LRRTM4: variants seen among roughly 807,000 people sequenced by gnomAD.
LRRTM4 encodes the protein leucine rich repeat transmembrane neuronal 4, also known as leucine-rich repeat transmembrane neuronal protein 4.
A neutral mutation model predicts 47.6 loss-of-function variants in LRRTM4; 25 were observed. The observed-to-expected ratio is 0.53, with a 90% CI of 0.38 to 0.73. LRRTM4 has a LOEUF of 0.73. LRRTM4 is among the 30% of genes least tolerant of loss of function. The pLI is 0.00. For synonymous variants in LRRTM4, 311 were observed against 269.5 expected (o/e 1.15, Z -1.51); for missense variants, 638 against 713.4 (o/e 0.89, Z 1.20).
intron 3 of LRRTM4, among the ~76,000 whole-genome samples, chr2:77,084,288 G>A (rs1397611832): frequency 6.6e-6 from 1 of 152,142 alleles, no homozygotes; most frequent in Non-Finnish European, 1.5e-5. Flanking sequence ...TGATGGCTAG[G>A]CTAGTTGCAA....
intron 3 of LRRTM4, among the ~76,000 whole-genome samples, chr2:76,789,223 T>A (rs12988164): frequency 3.3e-5 from 5 of 151,992 alleles, no homozygotes; most frequent in African/African-American, 4.8e-5. Context: ...CCAAGGCACC[T>A]TATGTGCTAG....
rs190200806 is a variant in LRRTM4 at position 77,004,727 on chromosome 2, G to C, written c.1552-255811C>G. Among the ~76,000 whole-genome samples the C allele has an allele frequency of 1.8e-3, 281 of 152,290 alleles. 1 individual carries two copies. Among genetic ancestry groups the C allele is most frequent in the Middle Eastern group, 0.01 (3 of 294 alleles). On this transcript the variant is annotated intron_variant, in intron 3 of 3. Transcript: ENST00000409884. ...TTGTCATGCACCTGGAAAAGCCACA[G>C]ACACTCACTGCCAGCACATGAAAGC...
intron 3 of LRRTM4, among the ~76,000 whole-genome samples, chr2:77,087,667 T>C (rs1025756329): frequency 1.3e-5 from 2 of 152,124 alleles, no homozygotes; most frequent in African/African-American, 4.8e-5. Context: ...CCCAACAGCA[T>C]AGGATAAAAA....
At chr2:76,795,961 C>G (rs1371279972) in intron 3 of LRRTM4, among the ~76,000 whole-genome samples, 1 of 150,294 alleles carries the variant, frequency 6.7e-6, no homozygotes, top group East Asian at 2.0e-4. Flanking sequence ...GGTGCGCGCA[C>G]CATGTGCGAG....
chr2:77,246,186 C>T lies in LRRTM4; in HGVS notation c.1551+272132G>A, dbSNP rs547165667. On this transcript the variant is annotated intron_variant, in intron 3 of 3. Transcript: ENST00000409884. ...TTCTCTAGGTTCAGTGGCTGATCAA[C>T]AGTTTGTTTTCTACAATTTAATTGC... 6.8e-4 allele frequency among the ~76,000 whole-genome samples: 103 copies of T among 152,218 alleles called. 1 individual carries two copies. Among genetic ancestry groups the T allele is most frequent in the African/African-American group, 2.5e-3 (103 of 41,554 alleles).
intron 3 of LRRTM4, among the ~76,000 whole-genome samples, chr2:77,160,107 T>C (rs1209645410): frequency 6.6e-6 from 1 of 152,202 alleles, no homozygotes; most frequent in African/African-American, 2.4e-5. Context: ...AGCCCTCACC[T>C]TTTTTGCCAT....
chr2:77,320,958 T>C lies in LRRTM4; in HGVS notation c.1551+197360A>G, dbSNP rs60811516. On this transcript the variant is annotated intron_variant, in intron 3 of 3. Coordinates refer to ENST00000409884, the MANE Select transcript of LRRTM4 (RefSeq NM_001134745.3). ...TTATTTGACATACCTGATAGGGATA[T>C]TGAAAAAATTGTACTGAGATTTGCA... 1.0e-3 allele frequency among the ~76,000 whole-genome samples: 152 copies of C among 152,208 alleles called. 1 individual carries two copies. Among genetic ancestry groups the C allele is most frequent in the African/African-American group, 3.2e-3 (133 of 41,558 alleles).
At chr2:76,786,699 T>C (rs1216244278) in intron 3 of LRRTM4, among the ~76,000 whole-genome samples, 1 of 152,046 alleles carries the variant, frequency 6.6e-6, no homozygotes, top group Non-Finnish European at 1.5e-5. Flanking sequence ...ATTCCTGCTT[T>C]CTAAGTGGTT....
intron 3 of LRRTM4, among the ~76,000 whole-genome samples, chr2:77,061,460 T>C (rs886499169): frequency 6.6e-6 from 1 of 152,106 alleles, no homozygotes; most frequent in East Asian, 1.9e-4. Flanking sequence ...CTCCATTCAG[T>C]GTGATACAGA....
intron 3 of LRRTM4, among the ~76,000 whole-genome samples, chr2:76,827,285 C>G (rs1055693250): frequency 1.3e-5 from 2 of 151,730 alleles, no homozygotes; most frequent in African/African-American, 2.4e-5. Context: ...CTCTCAGGAC[C>G]TAATTATTTC....
chr2:77,479,157 G>C (rs924627752), intron 3 of LRRTM4, among the ~76,000 whole-genome samples: 1 of 152,042 alleles, frequency 6.6e-6, no homozygotes, highest in Non-Finnish European at 1.5e-5. Context: ...CGGCCCCCCA[G>C]AGTGCTGGGA....
intron 3 of LRRTM4, among the ~76,000 whole-genome samples, chr2:77,097,655 A>T (rs577669763): frequency 6.6e-6 from 1 of 152,174 alleles, no homozygotes; most frequent in South Asian, 2.1e-4. Flanking sequence ...TAATAAATGT[A>T]ACATACAAAT....
chr2:77,392,196 C>T (rs1038703222), intron 3 of LRRTM4, among the ~76,000 whole-genome samples: 1 of 152,026 alleles, frequency 6.6e-6, no homozygotes, highest in African/African-American at 2.4e-5. Context: ...TTAACTCAAG[C>T]TGTTTTCAAC....
chr2:77,157,049 A>C (rs1672579968), intron 3 of LRRTM4, among the ~76,000 whole-genome samples: 1 of 152,172 alleles, frequency 6.6e-6, no homozygotes, highest in South Asian at 2.1e-4. Flanking sequence ...AAGTTATTAA[A>C]CAAACCCTTA....
At chr2:76,896,678 T>G (rs1031433712) in intron 3 of LRRTM4, among the ~76,000 whole-genome samples, 2 of 151,650 alleles carry the variant, frequency 1.3e-5, no homozygotes, top group African/African-American at 4.8e-5. Context: ...AGTTAAAAAG[T>G]GTTATCTAAT....
chr2:77,235,054 A>G (rs930482222), intron 3 of LRRTM4, among the ~76,000 whole-genome samples: 74 of 152,164 alleles, frequency 4.9e-4, no homozygotes, highest in African/African-American at 1.8e-3. Context: ...GCTGCAAAGG[A>G]TATTATTTTG....
At chr2:77,327,725 G>A (rs967619871) in intron 3 of LRRTM4, among the ~76,000 whole-genome samples, 14 of 152,058 alleles carry the variant, frequency 9.2e-5, no homozygotes, top group African/African-American at 3.4e-4. Context: ...GGGAGAAGGC[G>A]ACCCAGTGAT....
intron 3 of LRRTM4, among the ~76,000 whole-genome samples, chr2:77,363,536 G>A (rs1672320660): frequency 6.6e-6 from 1 of 152,112 alleles, no homozygotes; most frequent in African/African-American, 2.4e-5. Context: ...GTCCTTTAAG[G>A]AATCAGGGCC....
At chr2:76,965,570 T>A (rs1007310093) in intron 3 of LRRTM4, among the ~76,000 whole-genome samples, 3 of 151,282 alleles carry the variant, frequency 2.0e-5, no homozygotes, top group African/African-American at 7.3e-5. Context: ...AATACATACT[T>A]GCATATTTAA....
Sources: gnomAD v4.1 joint callset for allele counts (sites outside exome capture counted in the v4.1 genomes callset) on GRCh38, gnomAD v4.1.1 for gene constraint, MANE v1.5 for transcripts, NCBI Gene and HGNC (gene_info 2026-07-23, HGNC 2026-07-21) for gene names.